LARP4B: variants seen among roughly 807,000 people sequenced by gnomAD.
LARP4B encodes La ribonucleoprotein 4B.
In LARP4B, 12 loss-of-function variants were observed where a neutral mutation model predicts 89.8. The observed-to-expected ratio is 0.13, with a 90% confidence interval of 0.09 to 0.22. LARP4B has a LOEUF of 0.22. LARP4B is among the 10% of genes least tolerant of loss of function. LARP4B has a pLI of 1.00. For synonymous variants in LARP4B, 367 were observed against 363.3 expected (o/e 1.01, Z -0.12); for missense variants, 757 against 947.7 (o/e 0.80, Z 2.64).
the LARP4B span, among the ~76,000 whole-genome samples, chr10:963,465 G>A: frequency 1.3e-5 from 2 of 152,196 alleles, no homozygotes; most frequent in South Asian, 4.1e-4. Context: ...ATCAGCACAG[G>A]GCTGGGCATT....
the LARP4B span, among the ~76,000 whole-genome samples, chr10:943,477 G>A: frequency 1.3e-5 from 2 of 151,822 alleles, no homozygotes; most frequent in Middle Eastern, 3.5e-3. Context: ...TCACCCAGGC[G>A]GGAGTGCAGT....
At chr10:821,084 A>G (rs911666422) in intron 13 of LARP4B, among the ~76,000 whole-genome samples, 2 of 152,228 alleles carry the variant, frequency 1.3e-5, no homozygotes, top group Non-Finnish European at 2.9e-5. Flanking sequence ...AACAGAAGAA[A>G]ACACTGACTG....
chr10:888,159 A>C (rs945184986), intron 1 of LARP4B, among the ~76,000 whole-genome samples: 3 of 152,116 alleles, frequency 2.0e-5, no homozygotes, highest in African/African-American at 7.2e-5. Context: ...ATCTCTACTG[A>C]AAATACAAAA....
intron 3 of LARP4B, chr10:870,162 C>T: frequency 1.4e-5 from 5 of 362,834 alleles, no homozygotes; most frequent in Non-Finnish European, 1.9e-5. Flanking sequence ...TCTAGAGCAC[C>T]TTTTGTGACT....
the LARP4B span, among the ~76,000 whole-genome samples, chr10:969,335 G>A: frequency 6.6e-6 from 1 of 152,114 alleles, no homozygotes; most frequent in South Asian, 2.1e-4. Flanking sequence ...AGCTGCTGCG[G>A]GTGTTTTCCA....
intron 1 of LARP4B, among the ~76,000 whole-genome samples, chr10:909,121 C>T (rs902440990): frequency 3.8e-4 from 58 of 151,940 alleles, no homozygotes; most frequent in Non-Finnish European, 2.4e-4. Context: ...GGTGAAACCC[C>T]GTCTCTACTA....
At position 814,718 on chromosome 10, in the gene LARP4B, G is replaced by T; in HGVS notation, c.1929+24C>A. 1 of 1,572,980 alleles carries T rather than the reference G, an allele frequency of 6.4e-7. No homozygotes were observed. ...ACCAGAGCCTCGCGGCTGTCGTGCA[G>T]GAAGGCAGGCACGAGGTACGTACCG... On this transcript the variant is annotated intron_variant, in intron 17 of 17. Coordinates refer to ENST00000316157, the MANE Select transcript of LARP4B (RefSeq NM_015155.3). The surrounding 1 kb of genome is among the most constrained non-coding windows in gnomAD (Gnocchi z 4.4).
chr10:837,472 G>GA (rs1288871210), intron 7 of LARP4B, among the ~76,000 whole-genome samples: 1 of 152,172 alleles, frequency 6.6e-6, no homozygotes, highest in Non-Finnish European at 1.5e-5. Context: ...TTGTAATGAT[G>GA]ATTCTAAAAT....
intron 3 of LARP4B, among the ~76,000 whole-genome samples, chr10:870,597 T>C (rs1028783987): frequency 6.6e-6 from 1 of 152,170 alleles, no homozygotes; most frequent in African/African-American, 2.4e-5. Context: ...TGTGTAAGAG[T>C]GGACTTGGCG....
the LARP4B span, among the ~76,000 whole-genome samples, chr10:984,717 AT>A: frequency 6.6e-6 from 1 of 152,230 alleles, no homozygotes; most frequent in Admixed American, 6.5e-5. Flanking sequence ...ATACCAAACA[AT>A]TCATGACCAG....
intron 1 of LARP4B, among the ~76,000 whole-genome samples, chr10:897,419 C>T (rs1262594203): frequency 6.6e-6 from 1 of 152,112 alleles, no homozygotes; most frequent in Non-Finnish European, 1.5e-5. Context: ...AACTATATGA[C>T]TTGGAAGAAA....
chr10:953,653 A>G, the LARP4B span, among the ~76,000 whole-genome samples: 5 of 152,194 alleles, frequency 3.3e-5, no homozygotes, highest in Non-Finnish European at 5.9e-5. Flanking sequence ...CATAACAGAC[A>G]ACCTTTAAAA....
chr10:918,337 A>G (rs917013416), intron 1 of LARP4B, among the ~76,000 whole-genome samples: 1 of 152,184 alleles, frequency 6.6e-6, no homozygotes, highest in Non-Finnish European at 1.5e-5. Flanking sequence ...ACATCACAAA[A>G]AGAGTTTCAG....
At chr10:932,857 T>A (rs1195183135), upstream of LARP4B, among the ~76,000 whole-genome samples, 2 of 86,398 alleles carry the variant, frequency 2.3e-5, no homozygotes, top group Non-Finnish European at 4.7e-5. Context: ...AGCCCCGGAA[T>A]CCCCAACCCC....
At chr10:968,024 G>A in the LARP4B span, among the ~76,000 whole-genome samples, 1,359 of 152,298 alleles carry the variant, frequency 8.9e-3, 17 homozygotes, top group South Asian at 0.041. Context: ...TTCTAGAGCA[G>A]TGTTTTTGAT....
At chr10:965,093 A>G in the LARP4B span, among the ~76,000 whole-genome samples, 7 of 152,290 alleles carry the variant, frequency 4.6e-5, no homozygotes, top group East Asian at 1.4e-3. Flanking sequence ...GGGACCTGCT[A>G]GGTCCTCGCG....
the LARP4B span, among the ~76,000 whole-genome samples, chr10:970,542 GCACTCATCGGGACTTCTGTGC>G: frequency 6.6e-6 from 1 of 152,148 alleles, no homozygotes; most frequent in South Asian, 2.1e-4. Flanking sequence ...TCCTTTGAAA[GCACTCATCGGGACTTCTGTGC>G]CATAACACTC....
chr10:886,871 C>T (rs182372670), intron 1 of LARP4B, among the ~76,000 whole-genome samples: 1 of 152,246 alleles, frequency 6.6e-6, no homozygotes, highest in East Asian at 1.9e-4. Flanking sequence ...AGGCAGATCA[C>T]CTGAGGTCAG....
intron 6 of LARP4B, among the ~76,000 whole-genome samples, chr10:844,484 G>T (rs754912448): frequency 3.9e-5 from 6 of 152,126 alleles, no homozygotes; most frequent in Non-Finnish European, 7.4e-5. Context: ...CGGCCCATCG[G>T]TTGTTGTCAT....
Sources: allele counts gnomAD v4.1 joint callset (sites outside exome capture counted in the v4.1 genomes callset), GRCh38; gene constraint gnomAD v4.1.1; non-coding constraint Gnocchi (gnomAD v3.1); transcripts MANE v1.5; gene names NCBI Gene and HGNC (gene_info 2026-07-23, HGNC 2026-07-21).